The following MGA variants were observed in gnomAD, a reference collection of about 807,000 sequenced individuals.
MGA encodes the protein MAX gene-associated protein.
MGA carries 40 observed loss-of-function variants against 261.1 expected under a neutral mutation model. That is an observed-to-expected ratio of 0.15 (90% confidence interval 0.12 to 0.20). The LOEUF is 0.20. Ranked by LOEUF, MGA falls within the 10% of genes least tolerant of loss-of-function variation. MGA has a pLI of 1.00. For missense variants in MGA, 3,397 were observed against 3,630.5 expected (o/e 0.94, Z 1.65); for synonymous variants, 1,302 against 1,290.6 (o/e 1.01, Z -0.19).
chr15:41,737,959 A>C (rs1300822467), intron 13 of MGA, among the ~76,000 whole-genome samples: 1 of 150,724 alleles, frequency 6.6e-6, no homozygotes, highest in African/African-American at 2.4e-5. Context: ...CAGCTTGGGC[A>C]ACAGAGGGAG....
chr15:41,639,453 AC>A (rs2056778193), intron 1 of MGA, among the ~76,000 whole-genome samples: 1 of 151,170 alleles, frequency 6.6e-6, no homozygotes, highest in Non-Finnish European at 1.5e-5. Flanking sequence ...AATTCATAGA[AC>A]CTTTAGGTCT....
intron 1 of MGA, among the ~76,000 whole-genome samples, chr15:41,631,578 G>A (rs1400836512): frequency 6.6e-6 from 1 of 152,088 alleles, no homozygotes; most frequent in African/African-American, 2.4e-5. Flanking sequence ...TCCTTTACAA[G>A]TGTGACAGAG....
intron 13 of MGA, among the ~76,000 whole-genome samples, chr15:41,737,208 C>T (rs920393188): frequency 2.6e-5 from 4 of 152,120 alleles, no homozygotes; most frequent in African/African-American, 7.2e-5. Context: ...ACAGCAACCT[C>T]TGCCTCCTGG....
Position 41,750,437 on chromosome 15 carries a change from C to T in MGA, c.6830C>T (p.Pro2277Leu), listed in dbSNP as rs757507087. Reference sequence around the variant, plus strand: ...CATTTTCAGGGTCACTTACTGCTACCTGGAGAACAGATACAACCAAAGCAA... The same window carrying T: ...CATTTTCAGGGTCACTTACTGCTACTTGGAGAACAGATACAACCAAAGCAA... The change falls in exon 17 of 24, where the codon CCT becomes CTT. Residue 2277 changes from proline (P) to leucine (L), a missense_variant. This residue lies in a region of MGA where 1,410 missense variants were observed against 1,386.4 expected (regional missense o/e 1.02). Transcript: ENST00000219905. 6.8e-6 allele frequency: 11 copies of T among 1,613,482 alleles called. No individual in the cohort carries two copies. The highest frequency in any genetic ancestry group is 2.2e-5 in the South Asian group (2 of 91,086).
chr15:41,722,857 A>C (rs1429372989), intron 9 of MGA, among the ~76,000 whole-genome samples: 1 of 152,194 alleles, frequency 6.6e-6, no homozygotes, highest in Non-Finnish European at 1.5e-5. Flanking sequence ...AAACAAGTCC[A>C]TCGCTCTAAG....
intron 18 of MGA, among the ~76,000 whole-genome samples, chr15:41,755,826 C>T (rs527715521): frequency 5.3e-5 from 8 of 152,260 alleles, no homozygotes; most frequent in South Asian, 2.1e-4. Context: ...CAAGACCAGG[C>T]GGGCCAACAT....
At position 41,710,916 on chromosome 15, in the gene MGA, A is replaced by T; in HGVS notation, c.2651A>T (p.Tyr884Phe). The T allele has an allele frequency of 6.2e-7, 1 of 1,613,976 alleles. No homozygotes were observed. Among genetic ancestry groups the T allele is most frequent in the Non-Finnish European group, 8.5e-7 (1 of 1,179,870 alleles). The change falls in exon 8 of 24, where the codon TAT (tyrosine) becomes TTT (phenylalanine). Residue 884 changes from tyrosine to phenylalanine, a missense_variant. Around this residue, in one of 9 missense-constraint regions of MGA, gnomAD observed 519 missense variants for 554.1 expected, o/e 0.94. Coordinates refer to ENST00000219905, the MANE Select transcript of MGA (RefSeq NM_001164273.2). Reference sequence around the variant, plus strand: ...TCTACTATTTCCCCTTCTACCTCTTATTCTTTGAAACCTCATTCTGTACCC... The same window carrying T: ...TCTACTATTTCCCCTTCTACCTCTTTTTCTTTGAAACCTCATTCTGTACCC...
intron 1 of MGA, among the ~76,000 whole-genome samples, chr15:41,665,915 TA>T (rs1443539935): frequency 2.6e-5 from 4 of 152,024 alleles, no homozygotes; most frequent in Non-Finnish European, 5.9e-5. Flanking sequence ...ATTTTAACTT[TA>T]TTTTTTATTT....
At chr15:41,762,671 G>C (rs924793218) in intron 22 of MGA, among the ~76,000 whole-genome samples, 9 of 151,822 alleles carry the variant, frequency 5.9e-5, no homozygotes, top group Non-Finnish European at 1.2e-4. Flanking sequence ...ATTTTGCCCT[G>C]TTGGCCAGGC....
At chr15:41,702,305 A>G (rs1192771052) in intron 5 of MGA, among the ~76,000 whole-genome samples, 2 of 143,398 alleles carry the variant, frequency 1.4e-5, no homozygotes, top group African/African-American at 5.0e-5. Context: ...CCTGGGCGAC[A>G]CAGTGAGACA....
At position 41,687,667 on chromosome 15, in the gene MGA, CGTT is replaced by C. The variant is rs143656546; in HGVS notation, c.1065-8402_1065-8400del. On this transcript the variant is annotated intron_variant, in intron 2 of 23. Transcript: ENST00000219905. ...TTGTTACTGATTTGTAGTTTGATTC[CGTT>C]GTTGTCAAAGAACATATGGCTTAAA... 6.9e-3 allele frequency among the ~76,000 whole-genome samples: 1,052 copies of C among 152,204 alleles called. 11 individuals carry two copies. The highest frequency in any genetic ancestry group is 0.024 in the African/African-American group (997 of 41,512).
In MGA at chr15:41,769,882, T is replaced by C. The variant is rs1199908355; in HGVS notation, c.*2602T>C. The C allele has an allele frequency of 6.6e-6, 1 of 152,620 alleles. No individual in the cohort carries two copies. Among genetic ancestry groups the C allele is most frequent in the Non-Finnish European group, 1.5e-5 (1 of 68,042 alleles). 9.5% of individuals were successfully genotyped at this position (152,620 alleles called of 1,614,324 possible). ...TTTTAGAAATCTAAGAACAGAAGTT[T>C]GGTGATTGAAAGGTAGAATATATAA... is the stretch of plus-strand genomic sequence containing the variant. On this transcript the variant is annotated 3_prime_UTR_variant, in exon 24 of 24. Transcript: ENST00000219905.
At chr15:41,643,489 C>A (rs932393480) in intron 1 of MGA, among the ~76,000 whole-genome samples, 3 of 151,908 alleles carry the variant, frequency 2.0e-5, no homozygotes, top group Admixed American at 1.3e-4. Flanking sequence ...ATCTGCCTGC[C>A]TCGACCTCCC....
At chr15:41,765,631 A>G (rs1270669039) in intron 23 of MGA, among the ~76,000 whole-genome samples, 3 of 152,232 alleles carry the variant, frequency 2.0e-5, no homozygotes, top group Non-Finnish European at 2.9e-5. Context: ...TGGAGGACTC[A>G]TCTTTCCTGG....
chr15:41,765,893 C>G, intron 23 of MGA, 111 bp from the exon 24 acceptor site: 3 of 848,624 alleles, frequency 3.5e-6, no homozygotes, highest in Non-Finnish European at 3.6e-6. Context: ...AAGTAGAGTG[C>G]TGAATTTAGA....
chr15:41,665,796 A>G (rs1205104771), intron 1 of MGA, among the ~76,000 whole-genome samples: 1 of 152,214 alleles, frequency 6.6e-6, no homozygotes, highest in Non-Finnish European at 1.5e-5. Context: ...TTCCCCTGAA[A>G]CCACTAATCT....
chr15:41,710,991 G>A lies in MGA; in HGVS notation c.2726G>A (p.Gly909Asp). The change falls in exon 8 of 24, where the codon GGC (glycine) becomes GAC (aspartate). Residue 909 changes from glycine (G) to aspartate (D), a missense_variant. Coordinates refer to ENST00000219905, the MANE Select transcript of MGA (RefSeq NM_001164273.2). ...CAAAACAGACAGGCAACTTTCAGTG[G>A]CCGAACTAAATCATCTTATAAATCC... 1.9e-6 allele frequency: 3 copies of A among 1,613,918 alleles called. No individual in the cohort carries two copies. Among genetic ancestry groups the A allele is most frequent in the African/African-American group, 1.3e-5 (1 of 75,010 alleles).
chr15:41,629,124 AAAG>A (rs1381741238), intron 1 of MGA, among the ~76,000 whole-genome samples: 27 of 151,922 alleles, frequency 1.8e-4, no homozygotes, highest in African/African-American at 4.6e-4. Flanking sequence ...AAAAAAAAAA[AAAG>A]AAGCCATTGG....
intron 2 of MGA, among the ~76,000 whole-genome samples, chr15:41,690,074 A>C (rs1281246392): frequency 1.3e-5 from 2 of 152,178 alleles, no homozygotes; most frequent in Non-Finnish European, 2.9e-5. Context: ...AACCCATTAA[A>C]AGTAACTTCC....
Sources: allele counts gnomAD v4.1 joint callset (sites outside exome capture counted in the v4.1 genomes callset), GRCh38; gene constraint gnomAD v4.1.1; regional missense constraint gnomAD v4.1.1; transcripts MANE v1.5; gene names NCBI Gene and HGNC (gene_info 2026-07-23, HGNC 2026-07-21).